NKAIN3: variants seen among roughly 807,000 people sequenced by gnomAD.
NKAIN3 encodes the protein sodium/potassium transporting ATPase interacting 3, also known as sodium/potassium-transporting ATPase subunit beta-1-interacting protein 3.
In NKAIN3, 25 loss-of-function variants were observed where a neutral mutation model predicts 30.2. The ratio of observed to expected loss-of-function variants is 0.83; its 90% CI spans 0.60 to 1.16. The LOEUF (loss-of-function observed/expected upper bound fraction) is 1.16, where lower values mean the gene tolerates loss of function less well. Among genes scored for constraint, NKAIN3 ranks in the 50% most tolerant of loss-of-function variants. The probability of loss-of-function intolerance (pLI) is 0.00; values close to 1 mark genes in which losing one functional copy is unlikely to be tolerated. For synonymous variants in NKAIN3, 91 were observed against 89.6 expected, an observed-to-expected ratio of 1.02 and a Z score of -0.09; for missense variants, 225 against 254.1, an observed-to-expected ratio of 0.89 and a Z score of 0.78.
At chr8:62,696,580 G>C (rs1814161773) in intron 3 of NKAIN3, among the ~76,000 whole-genome samples, 1 of 151,964 alleles carries the variant, frequency 6.6e-6, no homozygotes, top group Admixed American at 6.6e-5. Flanking sequence ...TTTGACAAAG[G>C]TTACACTGTA....
chr8:62,878,040 CAA>C (rs34421488), intron 4 of NKAIN3, among the ~76,000 whole-genome samples: 8 of 113,720 alleles, frequency 7.0e-5, no homozygotes, highest in Admixed American at 9.9e-5. Flanking sequence ...AACTCCATCT[CAA>C]AAAAAAAAAA....
intron 5 of NKAIN3, 141 bp downstream of exon 5, chr8:62,918,654 C>T (rs571778911): frequency 4.3e-4 from 275 of 646,578 alleles, no homozygotes; most frequent in Non-Finnish European, 6.6e-4. Flanking sequence ...AAGTTACAGT[C>T]AAAAGTTGAC....
At chr8:62,561,188 T>C (rs1809566586) in intron 1 of NKAIN3, among the ~76,000 whole-genome samples, 1 of 152,134 alleles carries the variant, frequency 6.6e-6, no homozygotes, top group South Asian at 2.1e-4. Flanking sequence ...AAATGTGAGT[T>C]ATATGCAGCA....
intron 1 of NKAIN3, among the ~76,000 whole-genome samples, chr8:62,463,499 C>T (rs975117718): frequency 2.6e-5 from 4 of 152,134 alleles, no homozygotes; most frequent in African/African-American, 9.7e-5. Context: ...AACTCATGCC[C>T]TTGGACTGTA....
At chr8:62,639,602 C>T (rs1477189417) in intron 3 of NKAIN3, among the ~76,000 whole-genome samples, 2 of 151,894 alleles carry the variant, frequency 1.3e-5, no homozygotes, top group Admixed American at 6.6e-5. Context: ...AATTGCAAGT[C>T]GAGGTTGTTG....
chr8:62,310,264 T>A (rs1814386244), intron 1 of NKAIN3, among the ~76,000 whole-genome samples: 1 of 150,464 alleles, frequency 6.6e-6, no homozygotes, highest in South Asian at 2.1e-4. Flanking sequence ...GGCATTGAAG[T>A]TATTACTATA....
intron 4 of NKAIN3, among the ~76,000 whole-genome samples, chr8:62,816,102 A>G (rs1818669959): frequency 6.6e-6 from 1 of 152,040 alleles, no homozygotes; most frequent in African/African-American, 2.4e-5. Flanking sequence ...GCTTTTTAAT[A>G]TTTCCTATGT....
intron 1 of NKAIN3, among the ~76,000 whole-genome samples, chr8:62,301,880 G>A (rs529194832): frequency 7.9e-5 from 12 of 152,112 alleles, no homozygotes; most frequent in Non-Finnish European, 1.5e-4. Flanking sequence ...AAAAAAGCCA[G>A]GGATGCCAAT....
chr8:62,483,561 TC>T, intron 1 of NKAIN3: 1 of 173,960 alleles, frequency 5.7e-6, no homozygotes. Context: ...CAGACGGACC[TC>T]CACTTCTAGT....
intron 1 of NKAIN3, among the ~76,000 whole-genome samples, chr8:62,363,318 A>G (rs1301007240): frequency 6.6e-6 from 1 of 152,152 alleles, no homozygotes; most frequent in Non-Finnish European, 1.5e-5. Context: ...GGGTCTTGTA[A>G]GGAGAGCTCA....
intron 3 of NKAIN3, among the ~76,000 whole-genome samples, chr8:62,591,071 T>C (rs1044046656): frequency 1.3e-5 from 2 of 152,000 alleles, no homozygotes; most frequent in Non-Finnish European, 2.9e-5. Context: ...AATAAAATAA[T>C]TGCAAATAAT....
rs1161468167 is a variant in NKAIN3 at position 62,856,766 on chromosome 8, A to C, written c.472-61687A>C. ...CTAGAATTTATTTTGCACCTGGCTT[A>C]TCCAACTCCTGTAAGATGTAAATAT... On this transcript the variant is annotated intron_variant, in intron 4 of 6. Coordinates refer to ENST00000623646, the MANE Select transcript of NKAIN3 (RefSeq NM_001304533.3). 1.2e-5 allele frequency: 8 copies of C among 665,630 alleles called. No homozygotes were observed. In the East Asian group the frequency reaches 1.9e-4, roughly 15 times the overall value. 41.2% of individuals were successfully genotyped at this position (665,630 alleles called of 1,614,324 possible). A position where few individuals can be genotyped will look rare whatever the true frequency, so the allele number is the denominator to read the frequency against.
chr8:62,408,294 T>C (rs1185869120), intron 1 of NKAIN3, among the ~76,000 whole-genome samples: 1 of 152,128 alleles, frequency 6.6e-6, no homozygotes, highest in African/African-American at 2.4e-5. Context: ...TTAAAGGCCG[T>C]GAAAATTTAT....
chr8:62,771,672 A>T (rs1201528292), intron 4 of NKAIN3, among the ~76,000 whole-genome samples: 4 of 152,106 alleles, frequency 2.6e-5, no homozygotes, highest in Non-Finnish European at 5.9e-5. Flanking sequence ...GATTCAAGAA[A>T]CTTGACAAAC....
At chr8:62,856,067 C>A in intron 4 of NKAIN3, 1 of 700,496 alleles carries the variant, frequency 1.4e-6, no homozygotes, top group Non-Finnish European at 2.6e-6. Context: ...GCTTACACCC[C>A]ATGAGCATCA....
At chr8:62,617,117 G>C (rs190477838) in intron 3 of NKAIN3, among the ~76,000 whole-genome samples, 1 of 152,154 alleles carries the variant, frequency 6.6e-6, no homozygotes, top group African/African-American at 2.4e-5. Context: ...GCTCCCTGAG[G>C]CATCCTCAGA....
intron 1 of NKAIN3, among the ~76,000 whole-genome samples, chr8:62,263,500 G>A (rs1812509971): frequency 6.6e-6 from 1 of 152,124 alleles, no homozygotes; most frequent in Admixed American, 6.6e-5. Flanking sequence ...CTGCTCGGCA[G>A]CCAAGCATTT....
At chr8:62,356,927 A>C (rs1321832583) in intron 1 of NKAIN3, among the ~76,000 whole-genome samples, 3 of 152,108 alleles carry the variant, frequency 2.0e-5, no homozygotes, top group Non-Finnish European at 4.4e-5. Context: ...AGCCTAGGCA[A>C]CATGGCGAAA....
intron 4 of NKAIN3, among the ~76,000 whole-genome samples, chr8:62,811,844 T>C (rs1057179828): frequency 2.0e-5 from 3 of 152,118 alleles, no homozygotes; most frequent in African/African-American, 7.2e-5. Flanking sequence ...ATCCTCTTAA[T>C]AGGGTCTTTC....
Sources: allele counts gnomAD v4.1 joint callset (sites outside exome capture counted in the v4.1 genomes callset), GRCh38; gene constraint gnomAD v4.1.1; transcripts MANE v1.5; gene names NCBI Gene and HGNC (gene_info 2026-07-23, HGNC 2026-07-21).